TYR: variants seen among roughly 807,000 people sequenced by gnomAD.
TYR encodes the protein tyrosinase.
Under a neutral mutation model 51.5 loss-of-function variants are expected in TYR, and 58 were observed. That is an observed-to-expected ratio of 1.13 (90% CI 0.91 to 1.40). The LOEUF (loss-of-function observed/expected upper bound fraction) is 1.40. Ranked by LOEUF, TYR falls within the 40% of genes most tolerant of loss-of-function variation. The pLI is 0.00. For synonymous variants in TYR, 263 were observed against 235.2 expected (o/e 1.12, Z -1.08); for missense variants, 732 against 647.4 (o/e 1.13, Z -1.42).
At chr11:89,271,775 G>A (rs1366293536) in intron 3 of TYR, among the ~76,000 whole-genome samples, 2 of 151,854 alleles carry the variant, frequency 1.3e-5, no homozygotes, top group African/African-American at 4.8e-5. Flanking sequence ...AAACCCTACT[G>A]GTACTTTATT....
intron 2 of TYR, among the ~76,000 whole-genome samples, chr11:89,197,582 T>C (rs1297615853): frequency 1.3e-5 from 2 of 152,160 alleles, no homozygotes; most frequent in Non-Finnish European, 2.9e-5. Flanking sequence ...ATCCTACCTA[T>C]ACTTCAAAAG....
intron 3 of TYR, among the ~76,000 whole-genome samples, chr11:89,249,835 T>A (rs35963892): frequency 6.6e-6 from 1 of 151,820 alleles, no homozygotes; most frequent in African/African-American, 2.4e-5. Flanking sequence ...AAGGAAAAAA[T>A]TGCCACAGCA....
chr11:89,236,776 C>T (rs1244936562), intron 3 of TYR, among the ~76,000 whole-genome samples: 5 of 152,174 alleles, frequency 3.3e-5, no homozygotes, highest in Non-Finnish European at 7.4e-5. Context: ...TTTCTGGGCT[C>T]TGATTAGACC....
intron 3 of TYR, among the ~76,000 whole-genome samples, chr11:89,255,546 T>G (rs1944380349): frequency 6.6e-6 from 1 of 151,786 alleles, no homozygotes; most frequent in South Asian, 2.1e-4. Context: ...GAAATTTTCC[T>G]TGTAGAAAAG....
intron 2 of TYR, among the ~76,000 whole-genome samples, chr11:89,218,507 T>C (rs925574377): frequency 2.0e-5 from 3 of 152,140 alleles, no homozygotes; most frequent in Non-Finnish European, 2.9e-5. Context: ...TTTTTATGGA[T>C]GATCTGATAT....
chr11:89,256,440 T>C (rs927199828), intron 3 of TYR, among the ~76,000 whole-genome samples: 2 of 147,770 alleles, frequency 1.4e-5, no homozygotes, highest in African/African-American at 5.2e-5. Context: ...TACAAAATGA[T>C]AGAGGTATGT....
At chr11:89,277,260 A>T (rs1944666178) in intron 3 of TYR, among the ~76,000 whole-genome samples, 1 of 151,786 alleles carries the variant, frequency 6.6e-6, no homozygotes, top group African/African-American at 2.4e-5. Context: ...AAAAGAAAAA[A>T]AATTTAGGAA....
In TYR at chr11:89,198,720, T is replaced by A. The variant is rs1943556432; in HGVS notation, c.1036+7302T>A. Among the ~76,000 whole-genome samples the A allele has an allele frequency of 2.0e-5, 3 of 151,734 alleles. No individual in the cohort carries two copies. The South Asian group carries it at 6.2e-4, about 31-fold the overall frequency. On this transcript the variant is annotated intron_variant, in intron 2 of 4. Transcript: ENST00000263321. ...CTCTGTCCTTACATTATAAGCTCATTCCACTCATTTTACTCAAAAGGTAAC... is the reference window on the plus strand; with the variant it reads ...CTCTGTCCTTACATTATAAGCTCATACCACTCATTTTACTCAAAAGGTAAC...
chr11:89,216,781 C>T (rs1005822953), intron 2 of TYR, among the ~76,000 whole-genome samples: 1 of 151,720 alleles, frequency 6.6e-6, no homozygotes, highest in Admixed American at 6.6e-5. Context: ...TCATCCTTAA[C>T]TCACAGCTTC....
intron 2 of TYR, among the ~76,000 whole-genome samples, chr11:89,193,312 C>A (rs560041635): frequency 3.9e-5 from 6 of 152,138 alleles, no homozygotes; most frequent in African/African-American, 1.4e-4. Flanking sequence ...GAACATCACT[C>A]GTCTAGGGTC....
At chr11:89,227,118 A>G (rs1943986660) in intron 2 of TYR, among the ~76,000 whole-genome samples, 1 of 152,164 alleles carries the variant, frequency 6.6e-6, no homozygotes, top group South Asian at 2.1e-4. Flanking sequence ...AATAATTTCT[A>G]ACCAACAGAG....
chr11:89,289,980 A>G (rs1182172332), intron 4 of TYR, among the ~76,000 whole-genome samples: 1 of 152,082 alleles, frequency 6.6e-6, no homozygotes, highest in Non-Finnish European at 1.5e-5. Context: ...AGGGCTATAC[A>G]TACATTGTCT....
Position 89,266,885 on chromosome 11 carries a change from T to C in TYR, c.1185-17888T>C, listed in dbSNP as rs1033374057. Among the ~76,000 whole-genome samples, 7 of 152,054 alleles carry C rather than the reference T, an allele frequency of 4.6e-5. No homozygotes were observed. In the East Asian group the frequency reaches 1.4e-3, roughly 30 times the overall value. On this transcript the variant is annotated intron_variant, in intron 3 of 4. Coordinates refer to ENST00000263321, the MANE Select transcript of TYR (RefSeq NM_000372.5). ...ATAAAGAATAATTCCTCTGGATTCCTACCAAACCATGTCAATTACTGGGGA... is the reference window on the plus strand; with the variant it reads ...ATAAAGAATAATTCCTCTGGATTCCCACCAAACCATGTCAATTACTGGGGA...
chr11:89,225,158 TA>T (rs1479058980), intron 2 of TYR, among the ~76,000 whole-genome samples: 4 of 151,962 alleles, frequency 2.6e-5, no homozygotes, highest in African/African-American at 9.7e-5. Flanking sequence ...TTAAAATTTA[TA>T]AATAAAAATT....
chr11:89,285,664 T>C (rs1944777326), intron 4 of TYR, among the ~76,000 whole-genome samples: 2 of 151,916 alleles, frequency 1.3e-5, no homozygotes, highest in East Asian at 2.0e-4. Context: ...ATTCTTTACA[T>C]GTATTATTAA....
At chr11:89,262,493 G>A (rs1218105497) in intron 3 of TYR, among the ~76,000 whole-genome samples, 3 of 150,382 alleles carry the variant, frequency 2.0e-5, no homozygotes, top group Non-Finnish European at 3.0e-5. Context: ...GTAAAGACTC[G>A]AGTAGAAATA....
At chr11:89,230,293 G>A (rs1001928045) in intron 3 of TYR, among the ~76,000 whole-genome samples, 1 of 152,086 alleles carries the variant, frequency 6.6e-6, no homozygotes, top group Non-Finnish European at 1.5e-5. Context: ...GACAGTGTCT[G>A]CAATTAGTCG....
intron 4 of TYR, among the ~76,000 whole-genome samples, chr11:89,290,250 A>C (rs1490969244): frequency 6.6e-6 from 1 of 152,206 alleles, no homozygotes; most frequent in East Asian, 1.9e-4. Flanking sequence ...GATGGCTTAC[A>C]AAGAAAGTCT....
rs775571678 is a variant in TYR, at chr11:89,233,971, C to A, written c.1184+6001C>A. 4.2e-5 allele frequency among the ~76,000 whole-genome samples: 6 copies of A among 143,202 alleles called. 1 individual carries two copies. Among genetic ancestry groups the A allele is most frequent in the African/African-American group, 8.3e-5 (3 of 36,196 alleles). The allele number at this position is 143,202 out of a possible 152,430, so 93.9% of individuals were successfully genotyped here. On this transcript the variant is annotated intron_variant, in intron 3 of 4. Coordinates refer to ENST00000263321, the MANE Select transcript of TYR (RefSeq NM_000372.5). ...TCAGACTATCCTTTGAAGCTTAATC[C>A]TTTATTATCCTTTGAGCATTAATTT...
Sources: allele counts gnomAD v4.1 joint callset (sites outside exome capture counted in the v4.1 genomes callset), GRCh38; gene constraint gnomAD v4.1.1; transcripts MANE v1.5; gene names NCBI Gene and HGNC (gene_info 2026-07-23, HGNC 2026-07-21).